FAF1: variants seen among roughly 807,000 people sequenced by gnomAD.
FAF1 encodes the protein Fas associated factor 1, also known as FAS-associated factor 1.
FAF1 carries 25 observed loss-of-function variants against 92.5 expected under a neutral mutation model. The observed-to-expected ratio is 0.27, with a 90% CI of 0.20 to 0.38. The LOEUF (loss-of-function observed/expected upper bound fraction) is 0.38, where lower values mean the gene tolerates loss of function less well. Among genes scored for constraint, FAF1 ranks in the 10% least tolerant of loss-of-function variants. The probability of loss-of-function intolerance (pLI) is 1.00; values close to 1 mark genes in which losing one functional copy is unlikely to be tolerated. For synonymous variants in FAF1, 234 were observed against 273.2 expected (o/e 0.86, Z 1.42); for missense variants, 636 against 793.3 (o/e 0.80, Z 2.38).
rs1272209244 is a variant in FAF1 at position 50,519,347 on chromosome 1, TGAAG to T, written c.1494+16018_1494+16021del. ...GTCTCGAAAGAAAGAAAGGAAGGAA[TGAAG>T]GAAGGAAGGAAGGAAGGAAGGAGGG... On this transcript the variant is annotated intron_variant, in intron 15 of 18. Coordinates refer to ENST00000396153, the MANE Select transcript of FAF1 (RefSeq NM_007051.3). Among the ~76,000 whole-genome samples, 107 of 105,242 alleles carry T rather than the reference TGAAG, an allele frequency of 1.0e-3. 1 individual carries two copies. Among genetic ancestry groups the T allele is most frequent in the South Asian group, 4.9e-3 (16 of 3,256 alleles). The allele number at this position is 105,242 out of a possible 152,430, so 69.0% of individuals were successfully genotyped here.
chr1:50,547,037 C>G (rs920362552), intron 13 of FAF1, among the ~76,000 whole-genome samples: 1 of 151,800 alleles, frequency 6.6e-6, no homozygotes, highest in Admixed American at 6.6e-5. Flanking sequence ...TACAGGTAAG[C>G]GCCACCATGC....
At chr1:50,640,547 TG>T (rs1403113811) in intron 8 of FAF1, among the ~76,000 whole-genome samples, 1 of 152,040 alleles carries the variant, frequency 6.6e-6, no homozygotes, top group African/African-American at 2.4e-5. Context: ...ACCCATGTTA[TG>T]GCAGGATTTT....
At chr1:50,865,708 G>A (rs1378284542) in intron 1 of FAF1, among the ~76,000 whole-genome samples, 1 of 99,564 alleles carries the variant, frequency 1.0e-5, no homozygotes, top group Non-Finnish European at 2.0e-5. Flanking sequence ...GGAGGGGGGA[G>A]GGATAGCTTT....
At chr1:50,624,382 T>C (rs1328968352) in intron 8 of FAF1, among the ~76,000 whole-genome samples, 1 of 152,082 alleles carries the variant, frequency 6.6e-6, no homozygotes, top group Non-Finnish European at 1.5e-5. Context: ...CTCCTGACCT[T>C]GTGATCTGCC....
intron 16 of FAF1, 71 bp from the exon 17 acceptor site, chr1:50,490,736 AAG>A (rs1646829285): frequency 1.0e-6 from 1 of 962,360 alleles, no homozygotes. Flanking sequence ...GAAATAAGGA[AAG>A]AGAAAAAAGA....
chr1:50,881,578 A>T (rs1368609501), intron 1 of FAF1, among the ~76,000 whole-genome samples: 1 of 152,170 alleles, frequency 6.6e-6, no homozygotes, highest in Non-Finnish European at 1.5e-5. Flanking sequence ...GATACAGAGG[A>T]TACTGGGGAT....
chr1:50,929,323 G>A (rs1645031312), intron 1 of FAF1, among the ~76,000 whole-genome samples: 1 of 152,034 alleles, frequency 6.6e-6, no homozygotes, highest in Non-Finnish European at 1.5e-5. Context: ...TGCTATTTAA[G>A]TTCTACATTG....
chr1:50,672,626 T>C (rs539341342), intron 7 of FAF1, among the ~76,000 whole-genome samples: 2 of 152,258 alleles, frequency 1.3e-5, no homozygotes, highest in East Asian at 1.9e-4. Context: ...GTAGTGACCC[T>C]ATTGGACAAT....
At chr1:50,544,536 C>T (rs910781488) in intron 13 of FAF1, among the ~76,000 whole-genome samples, 1 of 152,188 alleles carries the variant, frequency 6.6e-6, no homozygotes, top group Non-Finnish European at 1.5e-5. Flanking sequence ...TCTCTGAAGG[C>T]AGTTCTTAAA....
At chr1:50,568,256 T>C in intron 12 of FAF1, among the ~76,000 whole-genome samples, 1 of 152,226 alleles carries the variant, frequency 6.6e-6, no homozygotes, top group East Asian at 1.9e-4. Flanking sequence ...TGAAATTCTG[T>C]CAAAGGAAAA....
intron 7 of FAF1, among the ~76,000 whole-genome samples, chr1:50,657,643 C>A (rs12117653): frequency 0.092 from 13,965 of 152,228 alleles, 823 homozygotes; most frequent in African/African-American, 0.17. Flanking sequence ...AATGCAGAAG[C>A]CTAAAGTATC....
chr1:50,597,078 C>T (rs1558009502), intron 8 of FAF1, among the ~76,000 whole-genome samples: 1 of 152,194 alleles, frequency 6.6e-6, no homozygotes, highest in African/African-American at 2.4e-5. Flanking sequence ...TTATTACTTT[C>T]TCCACAGCGT....
intron 13 of FAF1, 144 bp downstream of exon 13, chr1:50,566,933 A>G: frequency 1.9e-6 from 1 of 515,210 alleles, no homozygotes; most frequent in East Asian, 3.1e-5. Flanking sequence ...TGCATGTGTT[A>G]GCTGCAACGA....
At chr1:50,492,304 A>G (rs2149009906) in intron 15 of FAF1, among the ~76,000 whole-genome samples, 1 of 152,232 alleles carries the variant, frequency 6.6e-6, no homozygotes, top group African/African-American at 2.4e-5. Flanking sequence ...AAAGAGGCCA[A>G]AAGCAAAATA....
At chr1:50,881,866 G>T (rs1450305352) in intron 1 of FAF1, among the ~76,000 whole-genome samples, 1 of 152,112 alleles carries the variant, frequency 6.6e-6, no homozygotes, top group African/African-American at 2.4e-5. Context: ...TTATGAGAAG[G>T]CAACATTAAT....
chr1:50,456,635 C>G (rs1478527295), intron 18 of FAF1, among the ~76,000 whole-genome samples: 4 of 152,188 alleles, frequency 2.6e-5, no homozygotes, highest in Non-Finnish European at 5.9e-5. Context: ...TTATTTACTA[C>G]ACAAGTATTT....
intron 13 of FAF1, among the ~76,000 whole-genome samples, chr1:50,544,987 T>C (rs1648939400): frequency 1.3e-5 from 2 of 151,988 alleles, no homozygotes; most frequent in Admixed American, 1.3e-4. Context: ...CAAAAATTGA[T>C]GAGTTTTATT....
At chr1:50,646,876 C>T (rs1231380164) in intron 8 of FAF1, among the ~76,000 whole-genome samples, 4 of 152,148 alleles carry the variant, frequency 2.6e-5, no homozygotes, top group Non-Finnish European at 5.9e-5. Context: ...GACATAGTCT[C>T]GCTCTGTTAC....
intron 9 of FAF1, among the ~76,000 whole-genome samples, chr1:50,594,222 C>T (rs1262385661): frequency 1.3e-5 from 2 of 149,460 alleles, no homozygotes; most frequent in African/African-American, 4.9e-5. Context: ...GGCTGAGGCA[C>T]GAGAATCACT....
Sources: allele counts gnomAD v4.1 joint callset (sites outside exome capture counted in the v4.1 genomes callset), GRCh38; gene constraint gnomAD v4.1.1; transcripts MANE v1.5; gene names NCBI Gene and HGNC (gene_info 2026-07-23, HGNC 2026-07-21).